The following CEACAM21 variants were observed in gnomAD, a reference collection of about 807,000 sequenced individuals.
The protein encoded by CEACAM21 is CEA cell adhesion molecule 21, also known as cell adhesion molecule CEACAM21.
CEACAM21 carries 38 observed loss-of-function variants against 33.2 expected under a neutral mutation model. The ratio of observed to expected loss-of-function variants is 1.14; its 90% confidence interval spans 0.88 to 1.50. The LOEUF (loss-of-function observed/expected upper bound fraction) is 1.50. Among genes scored for constraint, CEACAM21 ranks in the 40% most tolerant of loss-of-function variants. The pLI, the probability that CEACAM21 is intolerant of heterozygous loss-of-function variation, is 0.00. For synonymous variants in CEACAM21, 156 were observed against 143.0 expected, an observed-to-expected ratio of 1.09 and a Z score of -0.65; for missense variants, 385 against 364.6, an observed-to-expected ratio of 1.06 and a Z score of -0.46.
In CEACAM21 at chr19:41,586,568, C is replaced by G; in HGVS notation, c.*105C>G. ...CTGCTCCTGTGGGTTGATGGAGCGT[C>G]CCTGAAGCCCCCAGCCCTGGGGATG... On this transcript the variant is annotated 3_prime_UTR_variant, in exon 7 of 7. Coordinates refer to ENST00000401445, the MANE Select transcript of CEACAM21 (RefSeq NM_001098506.4). 5 of 615,482 alleles carry G rather than the reference C, an allele frequency of 8.1e-6. No homozygotes were observed. Among genetic ancestry groups the G allele is most frequent in the South Asian group, 6.8e-5 (5 of 73,220 alleles). 38.1% of individuals were successfully genotyped at this position (615,482 alleles called of 1,614,324 possible).
At position 41,577,080 on chromosome 19, in the gene CEACAM21, G is replaced by A. The variant is rs558772986; in HGVS notation, c.65-120G>A. 588 of 1,033,540 alleles carry A rather than the reference G, an allele frequency of 5.7e-4. 2 individuals carry two copies. The East Asian group carries it at 0.012, about 21-fold the overall frequency. The allele number at this position is 1,033,540 out of a possible 1,614,324, so 64.0% of individuals were successfully genotyped here. ...CATGCTGCTGACTTTGACCCAGTAG[G>A]ACACACACACACACACACACCCTCT... is the stretch of plus-strand genomic sequence containing the variant. On this transcript the variant is annotated intron_variant, in intron 1 of 6. Transcript: ENST00000401445.
chr19:41,585,302 C>T, intron 4 of CEACAM21, 141 bp from the exon 5 acceptor site: 1 of 802,578 alleles, frequency 1.2e-6, no homozygotes, highest in Non-Finnish European at 2.1e-6. Context: ...CTCACCTGGG[C>T]CCCTCCTACC....
At chr19:41,552,557 C>T (rs1344627587) in intron 1 of CEACAM21, among the ~76,000 whole-genome samples, 1 of 152,126 alleles carries the variant, frequency 6.6e-6, no homozygotes, top group Admixed American at 6.5e-5. Context: ...ATGGGGACCT[C>T]CATTAGTGAA....
chr19:41,558,637 G>A (rs2041686236), intron 1 of CEACAM21, among the ~76,000 whole-genome samples: 1 of 151,858 alleles, frequency 6.6e-6, no homozygotes, highest in Non-Finnish European at 1.5e-5. Flanking sequence ...ACAGAGCGAG[G>A]CTCTGACTCA....
chr19:41,578,318 TG>T (rs1395488981), intron 2 of CEACAM21, among the ~76,000 whole-genome samples: 3 of 149,316 alleles, frequency 2.0e-5, no homozygotes, highest in African/African-American at 5.0e-5. Context: ...TTTTTTTTTT[TG>T]GAGTAAAATA....
intron 1 of CEACAM21, among the ~76,000 whole-genome samples, chr19:41,556,590 C>G (rs909291695): frequency 6.6e-6 from 1 of 152,074 alleles, no homozygotes; most frequent in Non-Finnish European, 1.5e-5. Flanking sequence ...ACTCTTTAAA[C>G]TTTTTTTTAC....
At chr19:41,585,970 C>A in intron 6 of CEACAM21, 99 bp downstream of exon 6, 2 of 1,278,254 alleles carry the variant, frequency 1.6e-6, no homozygotes, top group Non-Finnish European at 2.2e-6. Context: ...CCACCCTACC[C>A]AGAATGACTT....
intron 1 of CEACAM21, among the ~76,000 whole-genome samples, chr19:41,556,319 TC>T (rs1454641359): frequency 2.0e-5 from 3 of 152,236 alleles, no homozygotes; most frequent in African/African-American, 7.2e-5. Flanking sequence ...TATTATAGAT[TC>T]AGGGGGTACA....
chr19:41,553,925 T>A (rs1485488530), intron 1 of CEACAM21, among the ~76,000 whole-genome samples: 11 of 136,676 alleles, frequency 8.0e-5, no homozygotes, highest in Admixed American at 7.9e-4. Flanking sequence ...AAATTAAGAA[T>A]ACCCACAAAT....
intron 3 of CEACAM21, 71 bp downstream of exon 3, chr19:41,579,699 G>T: frequency 9.2e-7 from 1 of 1,086,240 alleles, no homozygotes; most frequent in Non-Finnish European, 1.3e-6. Context: ...GGTGTAAAAT[G>T]ATACACGGAA....
chr19:41,585,884 G>C lies in CEACAM21; in HGVS notation c.*13G>C, dbSNP rs566888461. On this transcript the variant is annotated intron_variant, in intron 6 of 6. Coordinates refer to ENST00000401445, the MANE Select transcript of CEACAM21 (RefSeq NM_001098506.4). ...CTCCATCTCCTAGGTAAGACTGTCC[G>C]TTCCCAATCCCATTTCCACTGGGGC... 5.6e-6 allele frequency: 9 copies of C among 1,612,226 alleles called. No homozygotes were observed. Among genetic ancestry groups the C allele is most frequent in the Non-Finnish European group, 7.6e-6 (9 of 1,179,214 alleles).
At chr19:41,552,574 C>T (rs1555784623) in intron 1 of CEACAM21, among the ~76,000 whole-genome samples, 1 of 152,140 alleles carries the variant, frequency 6.6e-6, no homozygotes, top group East Asian at 1.9e-4. Flanking sequence ...TGAAATCTGG[C>T]CTGCCACAAT....
chr19:41,581,377 G>A (rs782555300), intron 3 of CEACAM21, among the ~76,000 whole-genome samples: 1 of 152,214 alleles, frequency 6.6e-6, no homozygotes, highest in South Asian at 2.1e-4. Context: ...CAATGCTAAT[G>A]ACTGGTTTGC....
chr19:41,558,362 A>T (rs2041665881), intron 1 of CEACAM21, among the ~76,000 whole-genome samples: 1 of 152,120 alleles, frequency 6.6e-6, no homozygotes, highest in African/African-American at 2.4e-5. Flanking sequence ...AATATAAAAA[A>T]CCCAGCTGGG....
intron 1 of CEACAM21, among the ~76,000 whole-genome samples, chr19:41,563,344 C>A (rs2042020168): frequency 6.6e-6 from 1 of 152,166 alleles, no homozygotes; most frequent in South Asian, 2.1e-4. Flanking sequence ...GGGACAGGGG[C>A]CTTGGCTACT....
Position 41,560,138 on chromosome 19 carries a change from G to A in CEACAM21, c.-778-4544G>A, listed in dbSNP as rs558706271. On this transcript the variant is annotated intron_variant, in intron 1 of 7. Transcript: ENST00000407170. The stretch of plus-strand genomic sequence containing the variant: ...GAGTTCTCCCATTATTCAAGAAACA[G>A]TTAATTACAGTCTTACACATACTCT... Among the ~76,000 whole-genome samples, 57 of 152,264 alleles carry A rather than the reference G, an allele frequency of 3.7e-4. 1 individual carries two copies. Among genetic ancestry groups the A allele is most frequent in the Admixed American group, 1.7e-3 (26 of 15,294 alleles).
chr19:41,551,948 G>C (rs2041236369), intron 1 of CEACAM21: 1 of 152,120 alleles, frequency 6.6e-6, no homozygotes, highest in Non-Finnish European at 1.5e-5. Context: ...GGGTCTGGCT[G>C]CTATTTCTCA....
At chr19:41,554,466 A>G (rs1414934271) in intron 1 of CEACAM21, among the ~76,000 whole-genome samples, 2 of 152,184 alleles carry the variant, frequency 1.3e-5, no homozygotes, top group Non-Finnish European at 2.9e-5. Context: ...GAGATATAGC[A>G]GAATTATAGG....
intron 1 of CEACAM21, among the ~76,000 whole-genome samples, chr19:41,563,235 T>C (rs1555787341): frequency 6.6e-6 from 1 of 152,114 alleles, no homozygotes. Flanking sequence ...TGGGTGAAGA[T>C]AGTCTTGTTG....
Sources: allele counts gnomAD v4.1 joint callset (sites outside exome capture counted in the v4.1 genomes callset), GRCh38; gene constraint gnomAD v4.1.1; transcripts MANE v1.5; gene names NCBI Gene and HGNC (gene_info 2026-07-23, HGNC 2026-07-21).